The following ADARB1 variants were observed in gnomAD, a reference collection of about 807,000 sequenced individuals.
ADARB1 encodes adenosine deaminase RNA specific B1.
ADARB1 carries 10 observed loss-of-function variants against 52.4 expected under a neutral mutation model. The ratio of observed to expected loss-of-function variants is 0.19; its 90% CI spans 0.12 to 0.32. The LOEUF (loss-of-function observed/expected upper bound fraction) is 0.32, where lower values mean the gene tolerates loss of function less well. ADARB1 is among the 10% of genes least tolerant of loss of function. The pLI, the probability that ADARB1 is intolerant of heterozygous loss-of-function variation, is 1.00. For synonymous variants in ADARB1, 349 were observed against 371.1 expected, an observed-to-expected ratio of 0.94 and a Z score of 0.68; for missense variants, 643 against 922.3, an observed-to-expected ratio of 0.70 and a Z score of 3.92.
intron 1 of ADARB1, among the ~76,000 whole-genome samples, chr21:45,119,616 G>A (rs2088039246): frequency 6.6e-6 from 1 of 152,158 alleles, no homozygotes; most frequent in Non-Finnish European, 1.5e-5. Flanking sequence ...TGTTACACTT[G>A]CCTTGATGGT....
Position 45,086,715 on chromosome 21 carries a change from G to A in ADARB1, c.-220+11922G>A, listed in dbSNP as rs542127723. 5.9e-5 allele frequency among the ~76,000 whole-genome samples: 9 copies of A among 152,314 alleles called. No homozygotes were observed. The East Asian group carries it at 1.2e-3, about 20-fold the overall frequency. On this transcript the variant is annotated intron_variant, in intron 1 of 10. Transcript: ENST00000348831. ...GCGTGTTCGTTTATTCCACTCCAGC[G>A]ATGGACTTTGGGTTGTTTCTGCATT... is the stretch of plus-strand genomic sequence containing the variant.
chr21:45,190,193 GTCT>G (rs757394412), intron 8 of ADARB1, among the ~76,000 whole-genome samples: 2 of 151,934 alleles, frequency 1.3e-5, no homozygotes, highest in Non-Finnish European at 2.9e-5. Context: ...ACAGTGACCT[GTCT>G]TCTTTTTTCC....
At chr21:45,134,931 C>T (rs997289306) in intron 2 of ADARB1, 1 of 442,526 alleles carries the variant, frequency 2.3e-6, no homozygotes. Flanking sequence ...GGCAGAGCCA[C>T]CTCTGCAGAT....
intron 2 of ADARB1, chr21:45,134,578 A>G: frequency 2.7e-6 from 1 of 369,388 alleles, no homozygotes; most frequent in Non-Finnish European, 5.4e-6. Flanking sequence ...GCAGAGGCAT[A>G]TGCCTGACAG....
Position 45,210,099 on chromosome 21 carries a change from T to A in ADARB1, c.1747+5363T>A, listed in dbSNP as rs538921492. On this transcript the variant is annotated intron_variant, in intron 9 of 10. Coordinates refer to ENST00000348831, the MANE Select transcript of ADARB1 (RefSeq NM_001112.4). ...TCCGTCTCTTGCTCTAGTTCTCCTT[T>A]CTGGGAGAGTGACTCCATTTGGGGC... is the stretch of plus-strand genomic sequence containing the variant. 7.9e-5 allele frequency among the ~76,000 whole-genome samples: 12 copies of A among 152,342 alleles called. No homozygotes were observed. The South Asian group carries it at 1.9e-3, about 24-fold the overall frequency.
chr21:45,091,817 A>C (rs981601242), intron 1 of ADARB1, among the ~76,000 whole-genome samples: 2 of 152,194 alleles, frequency 1.3e-5, no homozygotes. Context: ...GATCGAGTTT[A>C]ACCGTGGGCT....
At chr21:45,134,707 T>TTTC in intron 2 of ADARB1, 7 of 460,860 alleles carry the variant, frequency 1.5e-5, no homozygotes, top group Middle Eastern at 3.4e-4. Flanking sequence ...TTTTTTTTTT[T>TTTC]ACACAAGATG....
intron 2 of ADARB1, among the ~76,000 whole-genome samples, chr21:45,170,106 G>A (rs1251130911): frequency 2.6e-5 from 4 of 152,152 alleles, no homozygotes; most frequent in African/African-American, 9.7e-5. Context: ...CTGCATGCCC[G>A]TCAGCCACAT....
rs758803197 is a variant in ADARB1 at position 45,223,219 on chromosome 21, CAT to C, written c.*1024_*1025del. Reference sequence around the variant, plus strand: ...GTAGATACTCATTCTTGGAAAATGCCATAGTTTTAAATTATTGTTTCCAGCTT... The same window carrying C: ...GTAGATACTCATTCTTGGAAAATGCCAGTTTTAAATTATTGTTTCCAGCTT... On this transcript the variant is annotated 3_prime_UTR_variant, in exon 11 of 11. Transcript: ENST00000348831. The C allele has an allele frequency of 2.5e-5, 25 of 985,294 alleles. No individual in the cohort carries two copies. The highest frequency in any genetic ancestry group is 2.9e-5 in the Non-Finnish European group (24 of 829,948). The allele number at this position is 985,294 out of a possible 1,614,324, so 61.0% of individuals were successfully genotyped here.
intron 1 of ADARB1, among the ~76,000 whole-genome samples, chr21:45,116,013 T>C (rs1361957880): frequency 1.3e-5 from 2 of 152,230 alleles, no homozygotes; most frequent in African/African-American, 4.8e-5. Flanking sequence ...CATAAGGAAC[T>C]GTATGTTGCA....
chr21:45,080,600 C>G (rs748851341), intron 1 of ADARB1, among the ~76,000 whole-genome samples: 4 of 152,244 alleles, frequency 2.6e-5, no homozygotes, highest in Admixed American at 2.0e-4. Context: ...TTCTTACCAG[C>G]TTGTGCTGAA....
At chr21:45,077,821 G>C (rs902544013) in intron 1 of ADARB1, among the ~76,000 whole-genome samples, 1 of 152,138 alleles carries the variant, frequency 6.6e-6, no homozygotes, top group African/African-American at 2.4e-5. Flanking sequence ...GGTAGGAAAA[G>C]CAAATGGGAA....
intron 1 of ADARB1, among the ~76,000 whole-genome samples, chr21:45,115,755 G>T (rs2087791504): frequency 6.6e-6 from 1 of 152,198 alleles, no homozygotes; most frequent in Non-Finnish European, 1.5e-5. Context: ...TATAATGCAT[G>T]TAAGGAATTA....
At chr21:45,185,813 C>G (rs964238745) in intron 8 of ADARB1, among the ~76,000 whole-genome samples, 10 of 152,252 alleles carry the variant, frequency 6.6e-5, no homozygotes, top group Non-Finnish European at 1.3e-4. Context: ...TAAAACCTCC[C>G]TCTTCAGAGC....
In ADARB1 at chr21:45,074,598, T is replaced by TGGCGGCGGTGGCGGC. The variant is rs1555882577; in HGVS notation, c.-407_-406insTGGCGGCGGCGGCGG. 6.9e-6 allele frequency: 1 copy of TGGCGGCGGTGGCGGC among 145,044 alleles called. No individual in the cohort carries two copies. The highest frequency in any genetic ancestry group is 2.5e-5 in the African/African-American group (1 of 39,908). 9.0% of individuals were successfully genotyped at this position (145,044 alleles called of 1,614,324 possible). On this transcript the variant is annotated 5_prime_UTR_variant, in exon 1 of 11. Transcript: ENST00000348831. ...CGGGGCTGAGGCGCTGAGGCGGCCG[T>TGGCGGCGGTGGCGGC]GGCGGCGGCGGCGGCGGCGGCGGCA...
At chr21:45,166,440 A>G (rs1020556946) in intron 2 of ADARB1, among the ~76,000 whole-genome samples, 1 of 152,206 alleles carries the variant, frequency 6.6e-6, no homozygotes, top group Non-Finnish European at 1.5e-5. Context: ...TATTAAAAAT[A>G]AAAAGCATGT....
chr21:45,144,703 T>C (rs1429572913), intron 2 of ADARB1: 5 of 445,994 alleles, frequency 1.1e-5, no homozygotes, highest in East Asian at 1.4e-4. Flanking sequence ...TCAACTCTGG[T>C]AACTTCATGT....
intron 2 of ADARB1, among the ~76,000 whole-genome samples, chr21:45,156,477 C>T (rs1399216556): frequency 2.8e-5 from 4 of 143,962 alleles, no homozygotes; most frequent in Admixed American, 6.8e-5. Flanking sequence ...ACCCATCATC[C>T]ATCATCCATT....
At chr21:45,081,928 CAA>C (rs2086167805) in intron 1 of ADARB1, among the ~76,000 whole-genome samples, 1 of 152,250 alleles carries the variant, frequency 6.6e-6, no homozygotes, top group African/African-American at 2.4e-5. Flanking sequence ...TGCAGACTCT[CAA>C]GAGTGCAACA....
Sources: allele counts gnomAD v4.1 joint callset (sites outside exome capture counted in the v4.1 genomes callset), GRCh38; gene constraint gnomAD v4.1.1; transcripts MANE v1.5; gene names NCBI Gene and HGNC (gene_info 2026-07-23, HGNC 2026-07-21).